HOPX: variants seen among roughly 807,000 people sequenced by gnomAD.
The protein encoded by HOPX is HOP homeobox.
In HOPX, 5 loss-of-function variants were observed where a neutral mutation model predicts 11.8. The observed-to-expected ratio is 0.43, with a 90% CI of 0.22 to 0.89. The LOEUF is 0.89. Ranked by LOEUF, HOPX falls within the 40% of genes least tolerant of loss-of-function variation. The probability of loss-of-function intolerance (pLI) is 0.28; values close to 1 mark genes in which losing one functional copy is unlikely to be tolerated. For missense variants in HOPX, 119 were observed against 120.0 expected (o/e 0.99, Z 0.04); for synonymous variants, 49 against 49.7 (o/e 0.99, Z 0.06).
At chr4:56,661,792 G>A (rs1476886942) in intron 1 of HOPX, among the ~76,000 whole-genome samples, 1 of 152,276 alleles carries the variant, frequency 6.6e-6, no homozygotes, top group East Asian at 1.9e-4. Context: ...CAAAAGGAGA[G>A]TTGAGTTATT....
intron 1 of HOPX, among the ~76,000 whole-genome samples, chr4:56,658,804 T>C (rs58549264): frequency 0.15 from 23,406 of 152,242 alleles, 2,772 homozygotes; most frequent in African/African-American, 0.32. Flanking sequence ...GTTGTGGCTA[T>C]TCATATCTCA....
chr4:56,666,809 C>T (rs1718463714), intron 1 of HOPX, among the ~76,000 whole-genome samples: 1 of 152,016 alleles, frequency 6.6e-6, no homozygotes, highest in East Asian at 1.9e-4. Context: ...GTTATGAATT[C>T]AGAAAAAGTT....
At chr4:56,650,733 A>G in intron 3 of HOPX, 1 of 1,551,656 alleles carries the variant, frequency 6.4e-7, no homozygotes, top group Non-Finnish European at 8.7e-7. Context: ...CAAGCACGGC[A>G]GACTATCATG....
intron 3 of HOPX, among the ~76,000 whole-genome samples, chr4:56,652,177 C>T (rs1717254643): frequency 6.6e-6 from 1 of 152,092 alleles, no homozygotes; most frequent in Non-Finnish European, 1.5e-5. Flanking sequence ...GTGCCACCTC[C>T]ACCCCCACAG....
intron 1 of HOPX, among the ~76,000 whole-genome samples, chr4:56,673,224 TATC>T (rs1252141219): frequency 2.0e-5 from 3 of 152,058 alleles, no homozygotes; most frequent in Non-Finnish European, 4.4e-5. Context: ...GCATTAGAAA[TATC>T]ATCAACAACA....
intron 1 of HOPX, chr4:56,679,918 T>G (rs1458638196): frequency 1.3e-5 from 2 of 152,244 alleles, no homozygotes. Flanking sequence ...GAGAACAAGA[T>G]CCATTTTTTC....
chr4:56,651,853 AG>A, intron 3 of HOPX, among the ~76,000 whole-genome samples: 3 of 114,392 alleles, frequency 2.6e-5, no homozygotes, highest in Admixed American at 1.7e-4. Flanking sequence ...AAAGGGAGAG[AG>A]AGAAAGAGAG....
intron 1 of HOPX, chr4:56,679,478 CT>C (rs71194117): frequency 0.044 from 6,372 of 143,940 alleles, 205 homozygotes; most frequent in Middle Eastern, 0.099. Context: ...TTCTTTCTTT[CT>C]TTTTTTTTTT....
At chr4:56,679,125 C>T (rs1489126388) in intron 1 of HOPX, 1 of 152,216 alleles carries the variant, frequency 6.6e-6, no homozygotes, top group Non-Finnish European at 1.5e-5. Context: ...GTCTGTGTTC[C>T]CAGCTACTTG....
At chr4:56,681,424 G>A (rs1719319555), upstream of HOPX, 9 of 986,296 alleles carry the variant, frequency 9.1e-6, no homozygotes, top group African/African-American at 1.7e-5. Flanking sequence ...GTGGGCAGGA[G>A]GTAAACCACT....
At chr4:56,650,752 C>T (rs866198334) in intron 3 of HOPX, 1 of 1,551,440 alleles carries the variant, frequency 6.4e-7, no homozygotes, top group African/African-American at 1.4e-5. Flanking sequence ...TGGGGGTAGC[C>T]TTCTCTTTGG....
At chr4:56,673,756 G>A (rs1439095654) in intron 1 of HOPX, among the ~76,000 whole-genome samples, 2 of 148,882 alleles carry the variant, frequency 1.3e-5, no homozygotes, top group African/African-American at 5.0e-5. Context: ...CCAGACTGGA[G>A]TGCAGTGCTG....
At chr4:56,660,305 A>G (rs1226787230) in intron 1 of HOPX, among the ~76,000 whole-genome samples, 1 of 152,254 alleles carries the variant, frequency 6.6e-6, no homozygotes, top group East Asian at 1.9e-4. Context: ...CTCTGAATAC[A>G]TCCCAAATAC....
At chr4:56,674,933 A>G (rs79946446) in intron 1 of HOPX, among the ~76,000 whole-genome samples, 2 of 150,910 alleles carry the variant, frequency 1.3e-5, no homozygotes, top group African/African-American at 2.5e-5. Flanking sequence ...AAAAAAAAAA[A>G]AAATGTAGAG....
chr4:56,648,966 T>C, intron 3 of HOPX, 169 bp from the exon 4 acceptor site: 1 of 528,350 alleles, frequency 1.9e-6, no homozygotes, highest in Non-Finnish European at 3.4e-6. Flanking sequence ...CTCAGGACCT[T>C]TGCACATGCT....
At chr4:56,678,240 G>A (rs2109558448) in intron 1 of HOPX, among the ~76,000 whole-genome samples, 1 of 151,396 alleles carries the variant, frequency 6.6e-6, no homozygotes. Flanking sequence ...CTCGGACTTG[G>A]TGGTCAGGTG....
intron 1 of HOPX, among the ~76,000 whole-genome samples, chr4:56,678,438 ATTTT>A (rs57921708): frequency 0.091 from 9,075 of 99,908 alleles, 282 homozygotes; most frequent in Non-Finnish European, 0.11. Context: ...CTAGTCACTG[ATTTT>A]TTTTTTTTTT....
At chr4:56,657,942 G>A in intron 1 of HOPX, 43 bp from the exon 2 acceptor site, 1 of 1,530,782 alleles carries the variant, frequency 6.5e-7, no homozygotes, top group Non-Finnish European at 8.8e-7. Context: ...AATGCAGGCA[G>A]GAGCTCATTG....
rs1716856820 is a variant in HOPX at position 56,648,491 on chromosome 4, T to C, written c.*229A>G. ...AAAGGGAAATGCTAGCCACACCATT[T>C]TTCCAGTGAAGCCACTGCTTTACAC... On this transcript the variant is annotated 3_prime_UTR_variant, in exon 4 of 4. Coordinates refer to ENST00000420433, the MANE Select transcript of HOPX (RefSeq NM_032495.6). 1 of 386,824 alleles carries C rather than the reference T, an allele frequency of 2.6e-6. No homozygotes were observed. 24.0% of individuals were successfully genotyped at this position (386,824 alleles called of 1,614,324 possible). A position where few individuals can be genotyped will look rare whatever the true frequency, so the allele number is the denominator to read the frequency against.
Sources: allele counts gnomAD v4.1 joint callset (sites outside exome capture counted in the v4.1 genomes callset), GRCh38; gene constraint gnomAD v4.1.1; transcripts MANE v1.5; gene names NCBI Gene and HGNC (gene_info 2026-07-23, HGNC 2026-07-21).